Variants in SHANK1 observed in about 807,000 individuals in gnomAD.
SHANK1 encodes SH3 and multiple ankyrin repeat domains 1, also known as SH3 and multiple ankyrin repeat domains protein 1.
In SHANK1, 35 loss-of-function variants were observed where a neutral mutation model predicts 165.6. The ratio of observed to expected loss-of-function variants is 0.21; its 90% CI spans 0.16 to 0.28. The LOEUF (loss-of-function observed/expected upper bound fraction) is 0.28. Among genes scored for constraint, SHANK1 ranks in the 10% least tolerant of loss-of-function variants. SHANK1 has a pLI of 1.00. For missense variants in SHANK1, 2,681 were observed against 3,036.4 expected (o/e 0.88, Z 2.75); for synonymous variants, 1,428 against 1,384.8 (o/e 1.03, Z -0.69).
chr19:50,711,883 C>G, intron 7 of SHANK1, 64 bp downstream of exon 7: 14 of 1,580,388 alleles, frequency 8.9e-6, no homozygotes, highest in Non-Finnish European at 1.2e-5. Context: ...CCAGCCCCAG[C>G]CCCTTGGATG....
At position 50,662,349 on chromosome 19, in the gene SHANK1, G is replaced by T. The variant is rs1381295864; in HGVS notation, c.6102C>A (p.Asp2034Glu). Reference sequence around the variant, plus strand: ...CCCCTCCAGTTGGGGAGCCACGGATGTCAAAGAGGCCTGGGTAGAGGGGTC... The same window carrying T: ...CCCCTCCAGTTGGGGAGCCACGGATTTCAAAGAGGCCTGGGTAGAGGGGTC... ...PSGPLYPGLF[D>E]IRGSPTGGAG... Residue 2034 changes from aspartate to glutamate, a missense_variant, in exon 24 of 24, where the codon GAC becomes GAA. This residue lies in a region of SHANK1 where 1,713 missense variants were observed against 1,630.2 expected (regional missense o/e 1.05). Coordinates refer to ENST00000293441, the MANE Select transcript of SHANK1 (RefSeq NM_016148.5). The surrounding 1 kb of genome is among the most constrained non-coding windows in gnomAD (Gnocchi z 7.7). 1.2e-6 allele frequency: 2 copies of T among 1,600,430 alleles called. No homozygotes were observed. The highest frequency in any genetic ancestry group is 1.7e-6 in the Non-Finnish European group (2 of 1,171,968).
rs553097288 is a variant in SHANK1 at position 50,716,216 on chromosome 19, G to A, written c.459+59C>T. The stretch of plus-strand genomic sequence containing the variant: ...CGAGTGTGTTAAAAAGTGGGTGGGG[G>A]GCAGATGTGTTTTAGGGCATGCCTT... On this transcript the variant is annotated intron_variant, in intron 3 of 23. Coordinates refer to ENST00000293441, the MANE Select transcript of SHANK1 (RefSeq NM_016148.5). This position sits in a 1 kb window ranked among gnomAD's most constrained non-coding sequence, Gnocchi z 8.4. 2.5e-5 allele frequency: 38 copies of A among 1,511,204 alleles called. No homozygotes were observed. In the African/African-American group the frequency reaches 4.9e-4, roughly 20 times the overall value. The allele number at this position is 1,511,204 out of a possible 1,614,324, so 93.6% of individuals were successfully genotyped here. A position where few individuals can be genotyped will look rare whatever the true frequency, so the allele number is the denominator to read the frequency against.
At position 50,718,417 on chromosome 19, in the gene SHANK1, G is replaced by A. The variant is rs534507749; in HGVS notation, c.-44+989C>T. The stretch of plus-strand genomic sequence containing the variant: ...ACCCCCAGCCTCAACCCCGCTCGGA[G>A]GGGGTGGCCGGTGGGATGAAAGAAA... On this transcript the variant is annotated intron_variant, in intron 1 of 23. Coordinates refer to ENST00000293441, the MANE Select transcript of SHANK1 (RefSeq NM_016148.5). This position sits in a 1 kb window ranked among gnomAD's most constrained non-coding sequence, Gnocchi z 5.1. 1.3e-5 allele frequency among the ~76,000 whole-genome samples: 2 copies of A among 152,260 alleles called. No individual in the cohort carries two copies. The highest frequency in any genetic ancestry group is 6.5e-5 in the Admixed American group (1 of 15,304).
chr19:50,673,507 TC>T (rs759372649), intron 21 of SHANK1, among the ~76,000 whole-genome samples: 15 of 152,112 alleles, frequency 9.9e-5, no homozygotes, highest in Non-Finnish European at 1.8e-4. Flanking sequence ...GAAGTTCTCC[TC>T]GGCGAGACCT....
chr19:50,667,339 C>T lies in SHANK1; in HGVS notation c.4621G>A (p.Gly1541Arg), dbSNP rs771992514. ...PTSPRASEEN[G>R]LPLLVLPPPA... ...GGCGGCAGGACCAGCAGGGGCAGCC[C>T]GTTCTCTTCGCTGGCCCTCGGGGAG... Residue 1541 changes from glycine to arginine, a missense_variant, in exon 23 of 24, where the codon GGG becomes AGG. Transcript: ENST00000293441. This position sits in a 1 kb window ranked among gnomAD's most constrained non-coding sequence, Gnocchi z 5.7. 2 of 1,566,124 alleles carry T rather than the reference C, an allele frequency of 1.3e-6. No homozygotes were observed. Among genetic ancestry groups the T allele is most frequent in the South Asian group, 1.2e-5 (1 of 84,866 alleles).
At chr19:50,671,633 G>A (rs1006911010) in intron 22 of SHANK1, among the ~76,000 whole-genome samples, 9 of 151,948 alleles carry the variant, frequency 5.9e-5, no homozygotes, top group Non-Finnish European at 1.0e-4. Flanking sequence ...ATTCGCTGAC[G>A]TATCCCCATT....
chr19:50,696,459 AG>A (rs922468821), intron 15 of SHANK1, among the ~76,000 whole-genome samples: 4 of 151,088 alleles, frequency 2.6e-5, no homozygotes, highest in African/African-American at 9.7e-5. Flanking sequence ...ACAGACACGT[AG>A]GTTTGGACAC....
chr19:50,694,979 G>T (rs1346090815), intron 15 of SHANK1, among the ~76,000 whole-genome samples: 1 of 149,482 alleles, frequency 6.7e-6, no homozygotes, highest in Non-Finnish European at 1.5e-5. Context: ...GGCGGCTGCG[G>T]CAGGGAGCTC....
intron 15 of SHANK1, among the ~76,000 whole-genome samples, chr19:50,695,173 G>A (rs931566568): frequency 3.4e-5 from 5 of 145,328 alleles, no homozygotes; most frequent in African/African-American, 4.9e-5. Flanking sequence ...ATGCTGACCC[G>A]CGCCGGGAGG....
chr19:50,689,389 G>C (rs1414717780), intron 15 of SHANK1, 110 bp from the exon 16 acceptor site: 1 of 806,172 alleles, frequency 1.2e-6, no homozygotes, highest in Admixed American at 1.9e-5. Flanking sequence ...CTCTGCTCCA[G>C]GGCCATTAAT....
intron 4 of SHANK1, among the ~76,000 whole-genome samples, chr19:50,715,254 G>A (rs970294559): frequency 1.3e-5 from 2 of 152,060 alleles, no homozygotes; most frequent in Admixed American, 6.6e-5. Flanking sequence ...GAGGTTGGGA[G>A]AAATGTAGCC....
chr19:50,688,189 C>A lies in SHANK1; in HGVS notation c.2173-131G>T. 1 of 1,153,338 alleles carries A rather than the reference C, an allele frequency of 8.7e-7. No homozygotes were observed. The highest frequency in any genetic ancestry group is 1.5e-5 in the African/African-American group (1 of 65,526). 71.4% of individuals were successfully genotyped at this position (1,153,338 alleles called of 1,614,324 possible). A position where few individuals can be genotyped will look rare whatever the true frequency, so the allele number is the denominator to read the frequency against. The stretch of plus-strand genomic sequence containing the variant: ...CCTCTGGGCTATGTTCCTCTCCCTC[C>A]GACCCTTCATACCACCGCCTCCCTG... On this transcript the variant is annotated intron_variant, in intron 17 of 23. Coordinates refer to ENST00000293441, the MANE Select transcript of SHANK1 (RefSeq NM_016148.5). This position sits in a 1 kb window ranked among gnomAD's most constrained non-coding sequence, Gnocchi z 6.7.
chr19:50,702,765 AG>A lies in SHANK1; in HGVS notation c.1554-106del, dbSNP rs567805076. On this transcript the variant is annotated intron_variant, in intron 11 of 23. Transcript: ENST00000293441. This position sits in a 1 kb window ranked among gnomAD's most constrained non-coding sequence, Gnocchi z 5.3. ...GGAAGAGGACGGTGCATCAGGGGGGAGGGGGGGTTTCCCAGCACTGGCGTCC... is the reference window on the plus strand; with the variant it reads ...GGAAGAGGACGGTGCATCAGGGGGGAGGGGGGTTTCCCAGCACTGGCGTCC... 387 of 594,776 alleles carry A rather than the reference AG, an allele frequency of 6.5e-4. No individual in the cohort carries two copies. Among genetic ancestry groups the A allele is most frequent in the African/African-American group, 2.4e-3 (127 of 52,514 alleles). 36.8% of individuals were successfully genotyped at this position (594,776 alleles called of 1,614,324 possible). A position where few individuals can be genotyped will look rare whatever the true frequency, so the allele number is the denominator to read the frequency against.
chr19:50,686,411 A>T lies in SHANK1; in HGVS notation c.2459-56T>A. The T allele has an allele frequency of 7.6e-7, 1 of 1,315,044 alleles. No homozygotes were observed. The highest frequency in any genetic ancestry group is 1.4e-5 in the South Asian group (1 of 72,558). The allele number at this position is 1,315,044 out of a possible 1,614,324, so 81.5% of individuals were successfully genotyped here. ...AGACAATGAAATGAAGTTTGCTTTG[A>T]CCCGGGCCGCAAAGACCAGAGCTGC... On this transcript the variant is annotated intron_variant, in intron 20 of 23. Coordinates refer to ENST00000293441, the MANE Select transcript of SHANK1 (RefSeq NM_016148.5). This position sits in a 1 kb window ranked among gnomAD's most constrained non-coding sequence, Gnocchi z 5.7.
chr19:50,716,289 C>T lies in SHANK1; in HGVS notation c.445G>A (p.Val149Ile). 1 of 1,614,046 alleles carries T rather than the reference C, an allele frequency of 6.2e-7. No homozygotes were observed. The highest frequency in any genetic ancestry group is 8.5e-7 in the Non-Finnish European group (1 of 1,179,978). ...GGAAGCTTCACCTCCAGGTAGGGGA[C>T]CCCCTTCTCAAAGGACTGGGGGTAC... Reference protein sequence around the residue: ...REYPQSFEKGVPYLEFRYKTR... With the variant: ...REYPQSFEKGIPYLEFRYKTR... The change falls in exon 3 of 24, where the codon GTC (valine) becomes ATC (isoleucine). Residue 149 changes from valine (V) to isoleucine (I), a missense_variant. Physicochemically the swap from Val to Ile is conservative, Grantham distance 29. Transcript: ENST00000293441. The surrounding 1 kb of genome is among the most constrained non-coding windows in gnomAD (Gnocchi z 8.4).
chr19:50,695,235 G>A (rs1430867436), intron 15 of SHANK1, among the ~76,000 whole-genome samples: 1 of 144,670 alleles, frequency 6.9e-6, no homozygotes, highest in African/African-American at 2.5e-5. Context: ...GGGCAGGGCC[G>A]GGGGCTCACA....
Position 50,688,993 on chromosome 19 carries a change from G to A in SHANK1, c.2048-25C>T, listed in dbSNP as rs1219450953. 4.6e-6 allele frequency: 7 copies of A among 1,509,648 alleles called. No homozygotes were observed. The South Asian group carries it at 8.4e-5, about 18-fold the overall frequency. The allele number at this position is 1,509,648 out of a possible 1,614,324, so 93.5% of individuals were successfully genotyped here. A position where few individuals can be genotyped will look rare whatever the true frequency, so the allele number is the denominator to read the frequency against. On this transcript the variant is annotated intron_variant, in intron 16 of 23. Coordinates refer to ENST00000293441, the MANE Select transcript of SHANK1 (RefSeq NM_016148.5). The surrounding 1 kb of genome is among the most constrained non-coding windows in gnomAD (Gnocchi z 6.7). ...GCTGCAGACAGGGAGGAGCCGGCGG[G>A]GTCGGAGGGGAGGGGGTGGAGAGGC...
intron 8 of SHANK1, among the ~76,000 whole-genome samples, chr19:50,707,886 C>CTT (rs762284859): frequency 5.7e-5 from 1 of 17,640 alleles, no homozygotes; most frequent in Non-Finnish European, 9.0e-5. Flanking sequence ...TTTTTCTTTT[C>CTT]TTTTCTTTTC....
chr19:50,669,357 A>T, intron 22 of SHANK1, 72 bp from the exon 23 acceptor site: 1 of 1,008,820 alleles, frequency 9.9e-7, no homozygotes, highest in South Asian at 1.4e-5. Flanking sequence ...ATCCCATAGA[A>T]CCGCAACAAT....
Sources: gnomAD v4.1 joint callset for allele counts (sites outside exome capture counted in the v4.1 genomes callset) on GRCh38, gnomAD v4.1.1 for gene constraint, gnomAD v4.1.1 regional missense constraint, Gnocchi (gnomAD v3.1) non-coding constraint, MANE v1.5 for transcripts, NCBI Gene and HGNC (gene_info 2026-07-23, HGNC 2026-07-21) for gene names.